The following ZC3H18 variants were observed in gnomAD, a reference collection of about 807,000 sequenced individuals.
ZC3H18 encodes zinc finger CCCH-type containing 18, also known as zinc finger CCCH domain-containing protein 18.
Under a neutral mutation model 106.1 loss-of-function variants are expected in ZC3H18, and 8 were observed. The ratio of observed to expected loss-of-function variants is 0.08; its 90% confidence interval spans 0.04 to 0.14. The LOEUF (loss-of-function observed/expected upper bound fraction) is 0.14. Ranked by LOEUF, ZC3H18 falls within the 10% of genes least tolerant of loss-of-function variation. ZC3H18 has a pLI of 1.00. For synonymous variants in ZC3H18, 635 were observed against 522.1 expected (o/e 1.22, Z -2.95); for missense variants, 1,318 against 1,278.4 (o/e 1.03, Z -0.47).
intron 2 of ZC3H18, among the ~76,000 whole-genome samples, chr16:88,582,652 G>A (rs866476000): frequency 2.0e-5 from 3 of 152,196 alleles, no homozygotes; most frequent in Non-Finnish European, 2.9e-5. Flanking sequence ...GGGCCCCGTA[G>A]CATCAGTAGT....
chr16:88,625,504 G>A, intron 13 of ZC3H18: 1 of 556,304 alleles, frequency 1.8e-6, no homozygotes. Context: ...AAACTCGGGG[G>A]CACTCAGGTC....
At chr16:88,578,674 G>A (rs976505644) in intron 2 of ZC3H18, among the ~76,000 whole-genome samples, 5 of 152,126 alleles carry the variant, frequency 3.3e-5, no homozygotes, top group East Asian at 1.9e-4. Flanking sequence ...ATGTGTAACC[G>A]CCGGTTTGCC....
intron 8 of ZC3H18, among the ~76,000 whole-genome samples, chr16:88,618,431 G>A (rs983132580): frequency 1.3e-5 from 2 of 152,210 alleles, no homozygotes; most frequent in Non-Finnish European, 2.9e-5. Context: ...TGTTGATGTA[G>A]ATGCTTAGCT....
intron 2 of ZC3H18, among the ~76,000 whole-genome samples, chr16:88,579,766 CA>C (rs892368351): frequency 7.2e-5 from 11 of 152,188 alleles, no homozygotes; most frequent in African/African-American, 2.7e-4. Flanking sequence ...GCTCCCTTGG[CA>C]AACGGGGAGG....
At chr16:88,625,006 G>T (rs537602900) in intron 12 of ZC3H18, among the ~76,000 whole-genome samples, 196 bp from the exon 13 acceptor site, 2 of 152,336 alleles carry the variant, frequency 1.3e-5, no homozygotes, top group South Asian at 4.1e-4. Flanking sequence ...TGCACTGGAA[G>T]GTGCTGCCCC....
chr16:88,577,169 G>T lies in ZC3H18; in HGVS notation c.46G>T (p.Asp16Tyr). The change falls in exon 2 of 18, where the codon GAT (aspartate) becomes TAT (tyrosine). Residue 16 changes from aspartate (D) to tyrosine (Y), a missense_variant. Asp to Tyr is a radical substitution (Grantham distance 160). This residue lies in a region of ZC3H18 where 346 missense variants were observed against 269.0 expected (regional missense o/e 1.29). Transcript: ENST00000301011. Reference protein sequence around the residue: ...SPERDPHSPEDEEQPQGLSDD... With the variant: ...SPERDPHSPEYEEQPQGLSDD... ...TGAACGGGATCCTCACTCTCCAGAG[G>T]ATGAAGAGCAGCCACAGGGACTCTC... 1 of 1,602,222 alleles carries T rather than the reference G, an allele frequency of 6.2e-7. No homozygotes were observed. Among genetic ancestry groups the T allele is most frequent in the Non-Finnish European group, 8.5e-7 (1 of 1,172,972 alleles).
At position 88,589,650 on chromosome 16, in the gene ZC3H18, G is replaced by A. The variant is rs570579517; in HGVS notation, c.688+2966G>A. Among the ~76,000 whole-genome samples the A allele has an allele frequency of 3.6e-4, 52 of 142,996 alleles. No homozygotes were observed. The Middle Eastern group carries it at 0.012, about 33-fold the overall frequency. 93.8% of individuals were successfully genotyped at this position (142,996 alleles called of 152,430 possible). On this transcript the variant is annotated intron_variant, in intron 3 of 17. Coordinates refer to ENST00000301011, the MANE Select transcript of ZC3H18 (RefSeq NM_144604.4). ...CGTGCTGAGTGACAGAAGGGAGCAC[G>A]GAAGGCCACAGATCCACAGAGACAG...
intron 3 of ZC3H18, among the ~76,000 whole-genome samples, chr16:88,593,051 G>A (rs928183076): frequency 6.6e-6 from 1 of 152,176 alleles, no homozygotes; most frequent in Non-Finnish European, 1.5e-5. Flanking sequence ...AACAACAATA[G>A]CCAATCATAA....
Position 88,623,172 on chromosome 16 carries a change from G to A in ZC3H18, c.1668-47G>A, listed in dbSNP as rs1012179960. ...GTGTGCGTCAGGGCGTGTGGGGCAG[G>A]GAGGGCCCTTCTCACTTCTCGCCAC... On this transcript the variant is annotated intron_variant, in intron 9 of 17. Transcript: ENST00000301011. The A allele has an allele frequency of 3.1e-6, 5 of 1,596,354 alleles. No individual in the cohort carries two copies. The African/African-American group carries it at 5.4e-5, about 17-fold the overall frequency.
intron 2 of ZC3H18, among the ~76,000 whole-genome samples, chr16:88,585,447 C>G (rs973305458): frequency 6.6e-6 from 1 of 152,224 alleles, no homozygotes; most frequent in African/African-American, 2.4e-5. Context: ...TGGGCCTGCC[C>G]TGGTGGGGCA....
chr16:88,571,678 T>G (rs1914417022), intron 1 of ZC3H18: 34 of 985,404 alleles, frequency 3.5e-5, no homozygotes, highest in South Asian at 4.7e-5. Flanking sequence ...AACAGGTAAG[T>G]TAACCTATGG....
rs1276742758 is a variant in ZC3H18 at position 88,628,743 on chromosome 16, T to C, written c.2470-15T>C. 6.2e-7 allele frequency: 1 copy of C among 1,613,674 alleles called. No individual in the cohort carries two copies. The highest frequency in any genetic ancestry group is 1.6e-4 in the Middle Eastern group (1 of 6,062). On this transcript the variant is annotated splice_polypyrimidine_tract_variant and intron_variant, in intron 15 of 17. Coordinates refer to ENST00000301011, the MANE Select transcript of ZC3H18 (RefSeq NM_144604.4). ...CCTGGCCCTGCTGTCCTCACTGGCC[T>C]CTCTCTTGTCCCAGGCGGCTGATAA...
In ZC3H18 at chr16:88,611,386, G is replaced by T; in HGVS notation, c.1325G>T (p.Arg442Leu). The T allele has an allele frequency of 8.8e-7, 1 of 1,137,728 alleles. No homozygotes were observed. The highest frequency in any genetic ancestry group is 1.3e-5 in the South Asian group (1 of 75,884). The allele number at this position is 1,137,728 out of a possible 1,614,324, so 70.5% of individuals were successfully genotyped here. A position where few individuals can be genotyped will look rare whatever the true frequency, so the allele number is the denominator to read the frequency against. The change falls in exon 8 of 18, where the codon CGC becomes CTC. Residue 442 changes from arginine (R) to leucine (L), a missense_variant. Arg to Leu is a moderately radical substitution (Grantham distance 102). Transcript: ENST00000301011. ...CGCGAGCGAGAGCGGGAGCGCGAGC[G>T]CGACAAGGAGCGGCAGCGGAGGAAG... The part of the protein sequence containing the change: ...RERERERERE[R>L]DKERQRRKEE...
chr16:88,572,950 G>A (rs1379938384), intron 1 of ZC3H18, among the ~76,000 whole-genome samples: 1 of 151,852 alleles, frequency 6.6e-6, no homozygotes, highest in African/African-American at 2.4e-5. Context: ...TAGAGACAGG[G>A]GTTTCACTGT....
At chr16:88,578,255 T>C (rs1040668626) in intron 2 of ZC3H18, among the ~76,000 whole-genome samples, 1 of 152,194 alleles carries the variant, frequency 6.6e-6, no homozygotes, top group Non-Finnish European at 1.5e-5. Flanking sequence ...TTTGGACATA[T>C]CCCTGAAAAG....
intron 8 of ZC3H18, 103 bp from the exon 9 acceptor site, chr16:88,622,094 T>C: frequency 7.4e-7 from 1 of 1,349,926 alleles, no homozygotes; most frequent in Non-Finnish European, 1.0e-6. Flanking sequence ...GATCCTTAAA[T>C]AAGCCAGGTA....
chr16:88,605,339 C>T (rs1293759936), intron 6 of ZC3H18, among the ~76,000 whole-genome samples: 1 of 152,244 alleles, frequency 6.6e-6, no homozygotes, highest in African/African-American at 2.4e-5. Flanking sequence ...GGACCTCCTC[C>T]CCTGCCTGCA....
intron 1 of ZC3H18, among the ~76,000 whole-genome samples, chr16:88,576,360 C>T (rs778767024): frequency 2.8e-4 from 42 of 152,268 alleles, no homozygotes; most frequent in Non-Finnish European, 5.6e-4. Flanking sequence ...CTTTTACATA[C>T]GCGCGGTACT....
chr16:88,611,397 C>T lies in ZC3H18; in HGVS notation c.1336C>T (p.Arg446Trp), dbSNP rs779497683. The T allele has an allele frequency of 2.5e-6, 3 of 1,216,400 alleles. No homozygotes were observed. The highest frequency in any genetic ancestry group is 3.6e-6 in the Non-Finnish European group (3 of 841,064). 75.4% of individuals were successfully genotyped at this position (1,216,400 alleles called of 1,614,324 possible). Residue 446 changes from arginine (R) to tryptophan (W), a missense_variant, in exon 8 of 18, where the codon CGG becomes TGG. Coordinates refer to ENST00000301011, the MANE Select transcript of ZC3H18 (RefSeq NM_144604.4). ...RERERERDKE[R>W]QRRKEEWERE... ...GCGGGAGCGCGAGCGCGACAAGGAGCGGCAGCGGAGGAAGGAGGAGTGGGA... is the reference window on the plus strand; with the variant it reads ...GCGGGAGCGCGAGCGCGACAAGGAGTGGCAGCGGAGGAAGGAGGAGTGGGA...
Sources: allele counts gnomAD v4.1 joint callset (sites outside exome capture counted in the v4.1 genomes callset), GRCh38; gene constraint gnomAD v4.1.1; regional missense constraint gnomAD v4.1.1; transcripts MANE v1.5; gene names NCBI Gene and HGNC (gene_info 2026-07-23, HGNC 2026-07-21).